COX7B2: variants seen among roughly 807,000 people sequenced by gnomAD.
COX7B2 encodes cytochrome c oxidase subunit 7B2.
For missense variants in COX7B2, 109 were observed against 95.9 expected (o/e 1.14, Z -0.57); for synonymous variants, 37 against 32.1 (o/e 1.15, Z -0.51).
intron 1 of COX7B2, among the ~76,000 whole-genome samples, chr4:46,880,855 AG>A (rs1718674807): frequency 2.4e-5 from 1 of 40,938 alleles, no homozygotes; most frequent in Non-Finnish European, 4.7e-5. Flanking sequence ...GGGTTGGGGG[AG>A]GGGGGAGGGA....
chr4:46,764,092 A>G (rs1268143342), intron 2 of COX7B2, among the ~76,000 whole-genome samples: 1 of 152,242 alleles, frequency 6.6e-6, no homozygotes, highest in East Asian at 1.9e-4. Context: ...TTACCTTTCC[A>G]AAATGATTTC....
intron 2 of COX7B2, among the ~76,000 whole-genome samples, chr4:46,824,402 G>T (rs751507001): frequency 6.6e-6 from 1 of 151,974 alleles, no homozygotes; most frequent in Non-Finnish European, 1.5e-5. Context: ...GGTATACATC[G>T]CTGGCCCTCA....
chr4:46,841,827 C>T (rs1715944994), intron 2 of COX7B2, among the ~76,000 whole-genome samples: 1 of 151,920 alleles, frequency 6.6e-6, no homozygotes, highest in African/African-American at 2.4e-5. Context: ...TTACATTGGC[C>T]TCTGTAGCAA....
chr4:46,829,236 C>T (rs924503422), intron 2 of COX7B2, among the ~76,000 whole-genome samples: 3 of 152,070 alleles, frequency 2.0e-5, no homozygotes, highest in African/African-American at 7.2e-5. Context: ...TGTAAAGAAT[C>T]ATGAGTCAGT....
intron 2 of COX7B2, among the ~76,000 whole-genome samples, chr4:46,745,744 A>C (rs1714986590): frequency 1.3e-5 from 2 of 152,130 alleles, no homozygotes; most frequent in Non-Finnish European, 2.9e-5. Flanking sequence ...TAAGTTCCTG[A>C]GGGAAGGATC....
chr4:46,831,691 A>C (rs1047981305), intron 2 of COX7B2, among the ~76,000 whole-genome samples: 1 of 152,132 alleles, frequency 6.6e-6, no homozygotes, highest in Non-Finnish European at 1.5e-5. Context: ...GACTTGGAGA[A>C]TCTTTATGTC....
intron 1 of COX7B2, among the ~76,000 whole-genome samples, chr4:46,884,732 T>A (rs1337310069): frequency 6.6e-6 from 1 of 152,222 alleles, no homozygotes; most frequent in East Asian, 1.9e-4. Context: ...GCAGTTTTCT[T>A]AATCTTTTTG....
chr4:46,886,445 A>T (rs971710304), intron 1 of COX7B2, among the ~76,000 whole-genome samples: 1 of 152,194 alleles, frequency 6.6e-6, no homozygotes, highest in Non-Finnish European at 1.5e-5. Context: ...ACAATAAGTT[A>T]TCGTTAACTA....
chr4:46,865,440 A>G (rs980574584), intron 1 of COX7B2, among the ~76,000 whole-genome samples: 4 of 152,324 alleles, frequency 2.6e-5, no homozygotes, highest in African/African-American at 9.6e-5. Context: ...TCTTTTTCAT[A>G]TAACAACCTC....
intron 1 of COX7B2, among the ~76,000 whole-genome samples, chr4:46,904,511 A>AT (rs1169854771): frequency 1.3e-5 from 2 of 152,132 alleles, no homozygotes; most frequent in Non-Finnish European, 2.9e-5. Context: ...CTGAGATAAT[A>AT]TTTTTCACTT....
intron 2 of COX7B2, among the ~76,000 whole-genome samples, chr4:46,763,022 A>ATT (rs1225605535): frequency 5.8e-5 from 7 of 121,002 alleles, no homozygotes; most frequent in African/African-American, 2.2e-4. Context: ...TATAATATAT[A>ATT]ATATAATATA....
intron 2 of COX7B2, among the ~76,000 whole-genome samples, chr4:46,767,506 C>A (rs1716613950): frequency 6.6e-6 from 1 of 152,092 alleles, no homozygotes; most frequent in Non-Finnish European, 1.5e-5. Context: ...ACCATATAAA[C>A]TTAACAGACA....
At chr4:46,905,588 C>G (rs1028154069) in intron 1 of COX7B2, among the ~76,000 whole-genome samples, 1 of 152,170 alleles carries the variant, frequency 6.6e-6, no homozygotes, top group Non-Finnish European at 1.5e-5. Flanking sequence ...TGTTGCCTCT[C>G]TCAGAGAATG....
chr4:46,784,184 G>T (rs974217950), intron 2 of COX7B2, among the ~76,000 whole-genome samples: 1 of 152,098 alleles, frequency 6.6e-6, no homozygotes, highest in African/African-American at 2.4e-5. Flanking sequence ...AAAAAGGAGA[G>T]GGTATTTGTA....
intron 1 of COX7B2, among the ~76,000 whole-genome samples, chr4:46,890,834 T>G (rs1442708418): frequency 6.6e-6 from 1 of 152,210 alleles, no homozygotes; most frequent in African/African-American, 2.4e-5. Context: ...ATTTTGGATT[T>G]TATTCAGTAT....
intron 1 of COX7B2, among the ~76,000 whole-genome samples, chr4:46,897,764 C>A (rs957665420): frequency 3.3e-5 from 5 of 152,168 alleles, no homozygotes; most frequent in Non-Finnish European, 7.3e-5. Flanking sequence ...TGTAAATTTA[C>A]ATGGACACAA....
intron 2 of COX7B2, among the ~76,000 whole-genome samples, chr4:46,806,175 C>T (rs1434326165): frequency 2.0e-5 from 3 of 151,966 alleles, no homozygotes; most frequent in East Asian, 1.9e-4. Context: ...CCTAAATATG[C>T]CCCTGCAATC....
intron 1 of COX7B2, among the ~76,000 whole-genome samples, chr4:46,890,165 C>G (rs772441110): frequency 1.7e-4 from 26 of 152,118 alleles, no homozygotes; most frequent in Non-Finnish European, 2.6e-4. Flanking sequence ...CTTTATGTTA[C>G]TCTAGTGTCT....
At chr4:46,751,673 G>C (rs746473910) in intron 2 of COX7B2, among the ~76,000 whole-genome samples, 1 of 151,806 alleles carries the variant, frequency 6.6e-6, no homozygotes, top group Non-Finnish European at 1.5e-5. Flanking sequence ...GAGAATACTA[G>C]GAAAGTGATT....
Sources: allele counts gnomAD v4.1 joint callset (sites outside exome capture counted in the v4.1 genomes callset), GRCh38; gene constraint gnomAD v4.1.1; transcripts MANE v1.5; gene names NCBI Gene and HGNC (gene_info 2026-07-23, HGNC 2026-07-21).